The following PCDH9 variants were observed in gnomAD, a reference collection of about 807,000 sequenced individuals.
PCDH9 encodes the protein protocadherin 9, also known as protocadherin-9.
PCDH9 carries 24 observed loss-of-function variants against 70.6 expected under a neutral mutation model. The observed-to-expected ratio is 0.34, with a 90% CI of 0.25 to 0.48. The LOEUF (loss-of-function observed/expected upper bound fraction) is 0.48. Among genes scored for constraint, PCDH9 ranks in the 20% least tolerant of loss-of-function variants. The pLI is 0.99. For synonymous variants in PCDH9, 562 were observed against 558.5 expected (o/e 1.01, Z -0.09); for missense variants, 1,281 against 1,503.6 (o/e 0.85, Z 2.45).
At chr13:67,175,986 T>C (rs2088441798) in intron 2 of PCDH9, among the ~76,000 whole-genome samples, 1 of 151,344 alleles carries the variant, frequency 6.6e-6, no homozygotes, top group African/African-American at 2.4e-5. Context: ...AGCAAGAAGA[T>C]GTTTCCAGCT....
At chr13:67,111,782 C>T (rs573941992) in intron 2 of PCDH9, among the ~76,000 whole-genome samples, 1 of 152,184 alleles carries the variant, frequency 6.6e-6, no homozygotes, top group South Asian at 2.1e-4. Flanking sequence ...TTAATAGCTA[C>T]AAAAAAGTGA....
At chr13:67,043,956 G>T (rs2085172802) in intron 2 of PCDH9, among the ~76,000 whole-genome samples, 1 of 152,004 alleles carries the variant, frequency 6.6e-6, no homozygotes, top group African/African-American at 2.4e-5. Context: ...TTCAAACCTG[G>T]TCATTGCAGA....
At chr13:66,559,510 G>A (rs921468225) in intron 4 of PCDH9, among the ~76,000 whole-genome samples, 1 of 151,864 alleles carries the variant, frequency 6.6e-6, no homozygotes, top group East Asian at 1.9e-4. Context: ...TTAAAAATAC[G>A]GATCAGGAGG....
At chr13:66,844,366 C>A (rs1311062624) in intron 3 of PCDH9, among the ~76,000 whole-genome samples, 3 of 151,966 alleles carry the variant, frequency 2.0e-5, no homozygotes, top group Admixed American at 2.0e-4. Context: ...GCGAGTGGAT[C>A]CCGAGGTCAG....
At chr13:66,345,786 A>C (rs1448824620) in intron 4 of PCDH9, among the ~76,000 whole-genome samples, 4 of 152,126 alleles carry the variant, frequency 2.6e-5, no homozygotes, top group Admixed American at 6.6e-5. Flanking sequence ...CCTGCGTATG[A>C]GCTAATCTAA....
At position 66,880,240 on chromosome 13, in the gene PCDH9, G is replaced by A. The variant is rs145923801; in HGVS notation, c.3138+23264C>T. The A allele has an allele frequency of 7.2e-5, 11 of 152,276 alleles. 1 individual carries two copies. The highest frequency in any genetic ancestry group is 4.1e-4 in the South Asian group (2 of 4,828). The allele number at this position is 152,276 out of a possible 1,614,324, so 9.4% of individuals were successfully genotyped here. ...TACTATATAACTAGCACTTTGTTAG[G>A]AAGCTATGGTGAGGGCATTACTTTT... On this transcript the variant is annotated intron_variant, in intron 3 of 4. Transcript: ENST00000377865.
intron 3 of PCDH9, among the ~76,000 whole-genome samples, chr13:66,675,378 C>A (rs1004804291): frequency 1.3e-5 from 2 of 152,120 alleles, no homozygotes; most frequent in Non-Finnish European, 2.9e-5. Flanking sequence ...GATATGCATG[C>A]ATGCCTGGCC....
intron 4 of PCDH9, among the ~76,000 whole-genome samples, chr13:66,453,751 T>C (rs1386826975): frequency 6.6e-6 from 1 of 152,110 alleles, no homozygotes; most frequent in Non-Finnish European, 1.5e-5. Context: ...AATGAGGACA[T>C]CAATGGATTC....
At chr13:67,009,218 A>G (rs2084409174) in intron 2 of PCDH9, among the ~76,000 whole-genome samples, 1 of 151,968 alleles carries the variant, frequency 6.6e-6, no homozygotes, top group Non-Finnish European at 1.5e-5. Flanking sequence ...TGCCTTCCCA[A>G]CAAGCTTGTA....
chr13:67,156,137 A>T (rs960306740), intron 2 of PCDH9, among the ~76,000 whole-genome samples: 2 of 152,032 alleles, frequency 1.3e-5, no homozygotes, highest in Non-Finnish European at 2.9e-5. Flanking sequence ...ACCGACCTAG[A>T]TGAGGACCTG....
At chr13:67,031,810 C>G (rs260146) in intron 2 of PCDH9, among the ~76,000 whole-genome samples, 3,535 of 152,136 alleles carry the variant, frequency 0.023, 133 homozygotes, top group African/African-American at 0.079. Context: ...TTTATTGGAG[C>G]ATTAGAAATG....
chr13:66,341,402 T>C (rs1956121523), intron 4 of PCDH9, among the ~76,000 whole-genome samples: 1 of 152,126 alleles, frequency 6.6e-6, no homozygotes, highest in African/African-American at 2.4e-5. Context: ...CCAACTTGCT[T>C]TAAAAGAAGA....
At chr13:66,312,805 G>T (rs1302595162) in intron 4 of PCDH9, among the ~76,000 whole-genome samples, 1 of 152,142 alleles carries the variant, frequency 6.6e-6, no homozygotes, top group Non-Finnish European at 1.5e-5. Flanking sequence ...CACCAGGATT[G>T]GACAAAACCT....
At chr13:67,125,862 TATGTATGTATGC>T (rs1332840920) in intron 2 of PCDH9, among the ~76,000 whole-genome samples, 1 of 149,472 alleles carries the variant, frequency 6.7e-6, no homozygotes, top group African/African-American at 2.4e-5. Context: ...TGTGTGTGTG[TATGTATGTATGC>T]ATGTGTATAT....
chr13:66,842,280 C>G (rs1030160216), intron 3 of PCDH9, among the ~76,000 whole-genome samples: 26 of 152,106 alleles, frequency 1.7e-4, no homozygotes, highest in African/African-American at 6.0e-4. Flanking sequence ...TACCTATGAC[C>G]TAAGTCTTAT....
At position 66,467,212 on chromosome 13, in the gene PCDH9, A is replaced by G. The variant is rs151021695; in HGVS notation, c.3341-162184T>C. Among the ~76,000 whole-genome samples the G allele has an allele frequency of 9.3e-3, 1,409 of 152,202 alleles. 11 individuals are homozygous for G. The highest frequency in any genetic ancestry group is 0.014 in the Admixed American group (220 of 15,248). On this transcript the variant is annotated intron_variant, in intron 4 of 4. Transcript: ENST00000377865. ...GTTTAGATGTTTTAGATGTTCGCAT[A>G]TATTTTAATATGTACATGTGGAAAA...
intron 3 of PCDH9, among the ~76,000 whole-genome samples, chr13:66,686,042 T>C (rs1031037378): frequency 3.9e-5 from 6 of 152,128 alleles, no homozygotes; most frequent in African/African-American, 1.2e-4. Flanking sequence ...TGGGGAACTG[T>C]TGGAAAGGCA....
At chr13:66,652,529 A>C (rs1023837204) in intron 3 of PCDH9, among the ~76,000 whole-genome samples, 3 of 152,092 alleles carry the variant, frequency 2.0e-5, no homozygotes, top group Non-Finnish European at 4.4e-5. Flanking sequence ...TGGAAGAATC[A>C]ATATTGTTAA....
intron 4 of PCDH9, among the ~76,000 whole-genome samples, chr13:66,559,863 C>CACACACACAT (rs1593676366): frequency 6.8e-6 from 1 of 146,996 alleles, no homozygotes; most frequent in East Asian, 2.0e-4. Flanking sequence ...CACACACACA[C>CACACACACAT]GGATCAGGAT....
Sources: allele counts gnomAD v4.1 joint callset (sites outside exome capture counted in the v4.1 genomes callset), GRCh38; gene constraint gnomAD v4.1.1; transcripts MANE v1.5; gene names NCBI Gene and HGNC (gene_info 2026-07-23, HGNC 2026-07-21).